The following COL5A2 variants were observed in gnomAD, a reference collection of about 807,000 sequenced individuals.
COL5A2 encodes the protein collagen type V alpha 2 chain, also known as collagen alpha-2(V) chain.
A neutral mutation model predicts 208.2 loss-of-function variants in COL5A2; 23 were observed. The ratio of observed to expected loss-of-function variants is 0.11; its 90% CI spans 0.08 to 0.16. The LOEUF is 0.16. COL5A2 is among the 10% of genes least tolerant of loss of function. COL5A2 has a pLI of 1.00. For missense variants in COL5A2, 1,590 were observed against 1,956.4 expected, an observed-to-expected ratio of 0.81 and a Z score of 3.53; for synonymous variants, 625 against 628.5, an observed-to-expected ratio of 0.99 and a Z score of 0.08.
intron 1 of COL5A2, among the ~76,000 whole-genome samples, chr2:189,219,879 C>G (rs944520399): frequency 6.6e-6 from 1 of 152,024 alleles, no homozygotes; most frequent in Non-Finnish European, 1.5e-5. Context: ...GAGTGCCCCC[C>G]CCCCACTCTT....
chr2:189,162,720 C>CCA (rs540243564), intron 1 of COL5A2, among the ~76,000 whole-genome samples: 6 of 151,966 alleles, frequency 3.9e-5, no homozygotes, highest in African/African-American at 9.7e-5. Flanking sequence ...CACTTGAATT[C>CCA]CACACACACA....
chr2:189,342,817 T>C, the COL5A2 span, among the ~76,000 whole-genome samples: 12 of 152,032 alleles, frequency 7.9e-5, no homozygotes, highest in Non-Finnish European at 1.8e-4. Flanking sequence ...CAATGCAGAA[T>C]AGCAAACACA....
chr2:189,042,772 C>A lies in COL5A2; in HGVS notation c.3473G>T (p.Gly1158Val). 6.2e-7 allele frequency: 1 copy of A among 1,604,326 alleles called. No homozygotes were observed. The change falls in exon 49 of 54, where the codon GGT (glycine) becomes GTT (valine). Residue 1158 changes from glycine to valine, a missense_variant and splice_region_variant. Physicochemically the swap from Gly to Val is moderately radical, Grantham distance 109. Coordinates refer to ENST00000374866, the MANE Select transcript of COL5A2 (RefSeq NM_000393.5). ...AGCACTTCCTTGTTCACCATTTGGA[C>A]CCTAAGTAGGAATACAATAAAAAAT... ...TGLQGLPGPP[G>V]PNGEQGSAGI... is the part of the protein sequence containing the mutation.
At chr2:189,049,979 A>T (rs1685750063) in intron 43 of COL5A2, among the ~76,000 whole-genome samples, 1 of 152,242 alleles carries the variant, frequency 6.6e-6, no homozygotes, top group Middle Eastern at 3.4e-3. Context: ...ATATGAAAAC[A>T]TCATTAATTT....
At chr2:189,057,271 A>T in intron 34 of COL5A2, 49 bp downstream of exon 34, 1 of 1,258,174 alleles carries the variant, frequency 7.9e-7, no homozygotes, top group Non-Finnish European at 1.1e-6. Flanking sequence ...TTTCAGCAGA[A>T]AGTCTGAATA....
chr2:189,060,660 C>T, intron 31 of COL5A2, 70 bp downstream of exon 31: 1 of 1,290,400 alleles, frequency 7.7e-7, no homozygotes, highest in East Asian at 2.3e-5. Flanking sequence ...ACAACAGAGC[C>T]TCACACATAA....
the COL5A2 span, among the ~76,000 whole-genome samples, chr2:189,277,094 G>C: frequency 6.6e-6 from 1 of 151,994 alleles, no homozygotes; most frequent in Non-Finnish European, 1.5e-5. Flanking sequence ...TTTCTCATTT[G>C]TGCGATGAAG....
At chr2:189,078,335 G>T (rs1686456026) in intron 16 of COL5A2, among the ~76,000 whole-genome samples, 181 bp downstream of exon 16, 1 of 151,278 alleles carries the variant, frequency 6.6e-6, no homozygotes, top group African/African-American at 2.4e-5. Flanking sequence ...GGTTGTTCAA[G>T]AATTCTCTGT....
chr2:189,151,407 C>A (rs1688139364), intron 1 of COL5A2, among the ~76,000 whole-genome samples: 1 of 152,084 alleles, frequency 6.6e-6, no homozygotes, highest in Non-Finnish European at 1.5e-5. Flanking sequence ...ATCTAGATAA[C>A]AGATCTTCAC....
chr2:189,159,000 T>C (rs1441186293), intron 1 of COL5A2, among the ~76,000 whole-genome samples: 1 of 152,188 alleles, frequency 6.6e-6, no homozygotes, highest in African/African-American at 2.4e-5. Context: ...CACAAATATT[T>C]ATACTCTACG....
At chr2:189,273,354 A>T in the COL5A2 span, among the ~76,000 whole-genome samples, 1 of 152,266 alleles carries the variant, frequency 6.6e-6, no homozygotes, top group African/African-American at 2.4e-5. Context: ...ACAAAAAAAA[A>T]GTGTTAACAG....
chr2:189,200,052 T>C (rs1689051875), intron 1 of COL5A2, among the ~76,000 whole-genome samples: 1 of 152,160 alleles, frequency 6.6e-6, no homozygotes, highest in Non-Finnish European at 1.5e-5. Flanking sequence ...TACAGTCCAG[T>C]GAAGTAGCTT....
chr2:189,310,758 A>G, the COL5A2 span, among the ~76,000 whole-genome samples: 1 of 152,034 alleles, frequency 6.6e-6, no homozygotes. Flanking sequence ...AAAGAATGAG[A>G]TCTAGTCACT....
chr2:189,067,980 C>T (rs1686189107), intron 21 of COL5A2, 35 bp downstream of exon 21: 1 of 1,527,430 alleles, frequency 6.5e-7, no homozygotes, highest in African/African-American at 1.4e-5. Flanking sequence ...AGTTAGATTA[C>T]ACTAAAGGAT....
the COL5A2 span, among the ~76,000 whole-genome samples, chr2:189,332,803 T>C: frequency 6.6e-6 from 1 of 151,998 alleles, no homozygotes. Flanking sequence ...ACCAGTAGAG[T>C]GGGGCCCTGC....
chr2:189,143,205 CA>C (rs2105775475), intron 1 of COL5A2, among the ~76,000 whole-genome samples: 1 of 152,252 alleles, frequency 6.6e-6, no homozygotes, highest in African/African-American at 2.4e-5. Flanking sequence ...CTGAGGGGGC[CA>C]GTGGGAAATG....
the COL5A2 span, among the ~76,000 whole-genome samples, chr2:189,237,847 C>T: frequency 6.6e-6 from 1 of 151,812 alleles, no homozygotes; most frequent in African/African-American, 2.4e-5. Flanking sequence ...ATTTGATGAA[C>T]TTTGGATTTC....
At chr2:189,143,906 G>C (rs555526705) in intron 1 of COL5A2, among the ~76,000 whole-genome samples, 22 of 152,190 alleles carry the variant, frequency 1.4e-4, no homozygotes, top group African/African-American at 5.1e-4. Flanking sequence ...TATGTGTTCA[G>C]TCTTTAAAAA....
the COL5A2 span, among the ~76,000 whole-genome samples, chr2:189,233,933 G>A: frequency 2.0e-5 from 3 of 151,646 alleles, no homozygotes; most frequent in South Asian, 2.1e-4. Flanking sequence ...GTAAGTCAAG[G>A]AGCATATGCA....
Sources: gnomAD v4.1 joint callset for allele counts (sites outside exome capture counted in the v4.1 genomes callset) on GRCh38, gnomAD v4.1.1 for gene constraint, MANE v1.5 for transcripts, NCBI Gene and HGNC (gene_info 2026-07-23, HGNC 2026-07-21) for gene names.